ADCY9: variants seen among roughly 807,000 people sequenced by gnomAD.
The protein encoded by ADCY9 is adenylate cyclase type 9.
Under a neutral mutation model 101.5 loss-of-function variants are expected in ADCY9, and 50 were observed. The observed-to-expected ratio is 0.49, with a 90% CI of 0.39 to 0.62. The LOEUF is 0.62. Ranked by LOEUF, ADCY9 falls within the 20% of genes least tolerant of loss-of-function variation. ADCY9 has a pLI of 0.00. For synonymous variants in ADCY9, 905 were observed against 769.3 expected (o/e 1.18, Z -2.92); for missense variants, 1,662 against 1,800.4 (o/e 0.92, Z 1.39).
At chr16:3,969,942 A>G (rs2056036640) in intron 10 of ADCY9, among the ~76,000 whole-genome samples, 1 of 152,110 alleles carries the variant, frequency 6.6e-6, no homozygotes, top group Non-Finnish European at 1.5e-5. Flanking sequence ...GTAGAAAAAA[A>G]TAGACAAAAA....
At chr16:3,985,763 T>A (rs1429213938) in intron 6 of ADCY9, among the ~76,000 whole-genome samples, 2 of 151,966 alleles carry the variant, frequency 1.3e-5, no homozygotes, top group Non-Finnish European at 2.9e-5. Flanking sequence ...CGCTCCTCCC[T>A]CCACCTCCCT....
intron 2 of ADCY9, among the ~76,000 whole-genome samples, chr16:4,078,703 C>A (rs2056883930): frequency 6.6e-6 from 1 of 151,568 alleles, no homozygotes. Context: ...TAGATAAGAC[C>A]AACATAAAGA....
intron 2 of ADCY9, among the ~76,000 whole-genome samples, chr16:4,104,588 G>T (rs888184767): frequency 1.3e-5 from 2 of 151,958 alleles, no homozygotes; most frequent in Non-Finnish European, 2.9e-5. Context: ...CTCCAGCCTG[G>T]GTGACAGAGT....
At position 3,986,699 on chromosome 16, in the gene ADCY9, C is replaced by T. The variant is rs183494305; in HGVS notation, c.2310+2295G>A. ...TCTCGAACTCCTGACCTCAGGTGAT[C>T]TGCCCGCCTCAGCCTCCCAAAGTGC... On this transcript the variant is annotated intron_variant, in intron 6 of 10. Coordinates refer to ENST00000294016, the MANE Select transcript of ADCY9 (RefSeq NM_001116.4). Among the ~76,000 whole-genome samples, 37 of 152,216 alleles carry T rather than the reference C, an allele frequency of 2.4e-4. 1 individual carries two copies. In the East Asian group the frequency reaches 5.8e-3, roughly 24 times the overall value.
intron 2 of ADCY9, among the ~76,000 whole-genome samples, chr16:4,069,466 C>T (rs551803217): frequency 3.3e-5 from 5 of 151,076 alleles, no homozygotes; most frequent in Admixed American, 2.6e-4. Flanking sequence ...CACTTGGTGC[C>T]GAGTCTGACA....
intron 2 of ADCY9, among the ~76,000 whole-genome samples, chr16:4,073,241 T>C (rs921204209): frequency 9.7e-5 from 14 of 144,436 alleles, no homozygotes; most frequent in Non-Finnish European, 1.7e-4. Context: ...ACTACAGGCA[T>C]GCGCCACCAT....
At chr16:4,042,591 A>T (rs573471621) in intron 2 of ADCY9, among the ~76,000 whole-genome samples, 1 of 152,312 alleles carries the variant, frequency 6.6e-6, no homozygotes, top group East Asian at 1.9e-4. Flanking sequence ...TGTTGGTTGA[A>T]CTATATTTCC....
At chr16:3,976,252 A>G (rs1032790500) in intron 9 of ADCY9, among the ~76,000 whole-genome samples, 1 of 152,164 alleles carries the variant, frequency 6.6e-6, no homozygotes, top group African/African-American at 2.4e-5. Context: ...TCAGCCTCCC[A>G]AAAGTGGTAG....
At chr16:3,953,790 C>T (rs564120766) in intron 5 of ADCY9, among the ~76,000 whole-genome samples, 2 of 152,322 alleles carry the variant, frequency 1.3e-5, no homozygotes, top group South Asian at 4.1e-4. Context: ...CCGCCGTCAC[C>T]CCTTTGCAGC....
intron 2 of ADCY9, among the ~76,000 whole-genome samples, chr16:4,076,657 A>C (rs2056869090): frequency 7.5e-6 from 1 of 133,074 alleles, no homozygotes; most frequent in African/African-American, 2.6e-5. Context: ...GATCGCTAGA[A>C]GATAGACGCA....
At position 3,983,220 on chromosome 16, in the gene ADCY9, C is replaced by T. The variant is rs370412833; in HGVS notation, c.2519+12G>A. 2.1e-4 allele frequency: 327 copies of T among 1,545,216 alleles called. No homozygotes were observed. Among genetic ancestry groups the T allele is most frequent in the African/African-American group, 3.3e-4 (24 of 72,966 alleles). ...GGCTCAGAGCTGGAGACCCAGTCCA[C>T]GCGGCGCTTACCTGATGGACACCGC... is the stretch of plus-strand genomic sequence containing the variant. On this transcript the variant is annotated intron_variant, in intron 7 of 10. Coordinates refer to ENST00000294016, the MANE Select transcript of ADCY9 (RefSeq NM_001116.4).
chr16:4,078,835 C>G (rs1453270753), intron 2 of ADCY9, among the ~76,000 whole-genome samples: 1 of 151,986 alleles, frequency 6.6e-6, no homozygotes, highest in Non-Finnish European at 1.5e-5. Flanking sequence ...AGAACTTTCA[C>G]AAATCAGTAA....
chr16:4,030,724 C>T (rs1567445233), intron 2 of ADCY9, among the ~76,000 whole-genome samples: 1 of 151,676 alleles, frequency 6.6e-6, no homozygotes, highest in East Asian at 1.9e-4. Context: ...AAAGAATACA[C>T]ACTGCAGGTT....
At chr16:4,104,609 C>T (rs2057064419) in intron 2 of ADCY9, among the ~76,000 whole-genome samples, 1 of 151,922 alleles carries the variant, frequency 6.6e-6, no homozygotes, top group Non-Finnish European at 1.5e-5. Flanking sequence ...AGGACCCCAT[C>T]TCAGAAAAAG....
chr16:3,998,569 C>T (rs562503430), intron 3 of ADCY9, among the ~76,000 whole-genome samples: 26 of 151,436 alleles, frequency 1.7e-4, no homozygotes, highest in African/African-American at 4.6e-4. Flanking sequence ...ATTAGCCTGG[C>T]GTGGTGGTGC....
At chr16:4,045,697 A>G (rs1365035677) in intron 2 of ADCY9, among the ~76,000 whole-genome samples, 2 of 150,198 alleles carry the variant, frequency 1.3e-5, no homozygotes, top group Non-Finnish European at 3.0e-5. Context: ...ACTAGCTTTG[A>G]AAACCCTTGT....
intron 10 of ADCY9, among the ~76,000 whole-genome samples, chr16:3,970,802 G>A (rs577147440): frequency 5.6e-4 from 86 of 152,332 alleles, no homozygotes; most frequent in African/African-American, 1.8e-3. Context: ...GCTGGACCGC[G>A]GGGGAGTTTC....
At chr16:4,032,698 G>A (rs112247236) in intron 2 of ADCY9, 3,752 of 151,836 alleles carry the variant, frequency 0.025, 166 homozygotes, top group African/African-American at 0.085. Flanking sequence ...TTTAGTACAG[G>A]TGAGGTTTCA....
At chr16:4,049,707 G>C (rs1186397379) in intron 2 of ADCY9, among the ~76,000 whole-genome samples, 2 of 152,080 alleles carry the variant, frequency 1.3e-5, no homozygotes, top group Non-Finnish European at 2.9e-5. Flanking sequence ...CCAACAACCA[G>C]CTGATTCTTC....
Sources: allele counts gnomAD v4.1 joint callset (sites outside exome capture counted in the v4.1 genomes callset), GRCh38; gene constraint gnomAD v4.1.1; transcripts MANE v1.5; gene names NCBI Gene and HGNC (gene_info 2026-07-23, HGNC 2026-07-21).